The following CAST variants were observed in gnomAD, a reference collection of about 807,000 sequenced individuals.
CAST encodes MIR583 host.
Under a neutral mutation model 119.6 loss-of-function variants are expected in CAST, and 76 were observed. That is an observed-to-expected ratio of 0.64 (90% CI 0.53 to 0.77). The LOEUF is 0.77. CAST is among the 30% of genes least tolerant of loss of function. The probability of loss-of-function intolerance (pLI) is 0.00; values close to 1 mark genes in which losing one functional copy is unlikely to be tolerated. For synonymous variants in CAST, 319 were observed against 331.6 expected (o/e 0.96, Z 0.41); for missense variants, 953 against 946.5 (o/e 1.01, Z -0.09).
At position 96,681,031 on chromosome 5, in the gene CAST, G is replaced by A. The variant is rs2150263498; in HGVS notation, c.138+5430G>A. ...GGCTCGCACTGGGTGCGACTTGGGA[G>A]CTGAGTCTGACTTGGGAGGCTAAAG... is the stretch of plus-strand genomic sequence containing the variant. On this transcript the variant is annotated intron_variant, in intron 2 of 31. Coordinates refer to ENST00000675179, the MANE Select transcript of CAST (RefSeq NM_001750.7). 2.0e-5 allele frequency among the ~76,000 whole-genome samples: 3 copies of A among 152,390 alleles called. No individual in the cohort carries two copies. The East Asian group carries it at 5.8e-4, about 29-fold the overall frequency.
At chr5:96,615,398 T>C (rs1226373605) in intron 1 of CAST, among the ~76,000 whole-genome samples, 1 of 152,246 alleles carries the variant, frequency 6.6e-6, no homozygotes, top group Non-Finnish European at 1.5e-5. Flanking sequence ...TAACCATCTC[T>C]CCCATTGACT....
the CAST span, among the ~76,000 whole-genome samples, chr5:95,974,663 A>G: frequency 6.6e-6 from 1 of 152,166 alleles, no homozygotes. Flanking sequence ...TCTTGAGGGG[A>G]TGGCCTTTCT....
chr5:96,365,341 C>T, the CAST span, among the ~76,000 whole-genome samples: 806 of 152,160 alleles, frequency 5.3e-3, 9 homozygotes, highest in African/African-American at 0.018. Context: ...CTATTAGGTC[C>T]GCTTGGTGCA....
chr5:96,061,923 T>C, the CAST span, among the ~76,000 whole-genome samples: 1 of 152,284 alleles, frequency 6.6e-6, no homozygotes, highest in South Asian at 2.1e-4. Flanking sequence ...ACAGAATGAC[T>C]TAGCTGACAT....
At chr5:96,222,596 A>G in the CAST span, among the ~76,000 whole-genome samples, 1 of 152,168 alleles carries the variant, frequency 6.6e-6, no homozygotes, top group Non-Finnish European at 1.5e-5. Flanking sequence ...ACTATTATTA[A>G]AATGATAAAA....
At chr5:96,580,728 A>G (rs1746756646) in intron 1 of CAST, among the ~76,000 whole-genome samples, 2 of 152,242 alleles carry the variant, frequency 1.3e-5, no homozygotes, top group Admixed American at 1.3e-4. Flanking sequence ...ATCACATCTT[A>G]AGAGAATCAC....
chr5:96,211,980 C>T, the CAST span, among the ~76,000 whole-genome samples: 1 of 151,994 alleles, frequency 6.6e-6, no homozygotes, highest in Admixed American at 6.6e-5. Context: ...ATGATATTCC[C>T]TGTTGTATTA....
intron 1 of CAST, among the ~76,000 whole-genome samples, chr5:96,617,282 TCCC>T (rs921201160): frequency 6.6e-6 from 1 of 151,576 alleles, no homozygotes; most frequent in Non-Finnish European, 1.5e-5. Flanking sequence ...GGTTCATTTA[TCCC>T]CCCAAGTCCT....
chr5:96,638,215 G>C (rs1156524266), intron 1 of CAST, among the ~76,000 whole-genome samples: 1 of 151,860 alleles, frequency 6.6e-6, no homozygotes, highest in Non-Finnish European at 1.5e-5. Flanking sequence ...AGGTCAGCCT[G>C]GCCAACATTG....
chr5:96,046,230 A>G, the CAST span, among the ~76,000 whole-genome samples: 2 of 152,158 alleles, frequency 1.3e-5, no homozygotes, highest in South Asian at 4.1e-4. Flanking sequence ...ATAAGGATAT[A>G]CACACATCCA....
At chr5:96,383,729 C>T in the CAST span, among the ~76,000 whole-genome samples, 1 of 152,092 alleles carries the variant, frequency 6.6e-6, no homozygotes. Flanking sequence ...TTCAGGTGTG[C>T]ATTTTGGTTT....
chr5:96,368,145 CCCTTT>C, the CAST span, among the ~76,000 whole-genome samples: 3 of 151,908 alleles, frequency 2.0e-5, no homozygotes, highest in East Asian at 1.9e-4. Context: ...TCCTTCCCTT[CCCTTT>C]CCTTTCTGCT....
chr5:96,520,332 T>A (rs923152744), upstream of CAST, among the ~76,000 whole-genome samples: 1 of 152,254 alleles, frequency 6.6e-6, no homozygotes, highest in Non-Finnish European at 1.5e-5. Flanking sequence ...GAATGTGCTC[T>A]GTCTGCTGTC....
chr5:96,391,180 T>C, the CAST span: 2 of 152,230 alleles, frequency 1.3e-5, no homozygotes, highest in Non-Finnish European at 2.9e-5. Context: ...TAGGAGAACA[T>C]TCTCTAAGCA....
chr5:96,206,623 G>C, the CAST span, among the ~76,000 whole-genome samples: 1 of 152,078 alleles, frequency 6.6e-6, no homozygotes, highest in African/African-American at 2.4e-5. Context: ...TAGGTGTGCG[G>C]CTTTATTCCT....
At chr5:96,349,231 A>G in the CAST span, among the ~76,000 whole-genome samples, 1 of 150,202 alleles carries the variant, frequency 6.7e-6, no homozygotes, top group Admixed American at 6.7e-5. Context: ...GAACTAAAAT[A>G]AATCTCAGCT....
At chr5:96,519,579 A>T in the CAST span, among the ~76,000 whole-genome samples, 1 of 152,212 alleles carries the variant, frequency 6.6e-6, no homozygotes, top group South Asian at 2.1e-4. Flanking sequence ...TCATGGCATG[A>T]TTTTTAATAT....
intron 1 of CAST, among the ~76,000 whole-genome samples, chr5:96,550,989 C>T (rs1746115867): frequency 6.6e-6 from 1 of 152,204 alleles, no homozygotes; most frequent in African/African-American, 2.4e-5. Context: ...TTAGAAAACA[C>T]TCTTCAGGAT....
intron 4 of CAST, among the ~76,000 whole-genome samples, chr5:96,725,578 A>G (rs924098987): frequency 2.0e-5 from 3 of 152,252 alleles, no homozygotes; most frequent in African/African-American, 7.2e-5. Flanking sequence ...ATTAATACAC[A>G]TTAGTTATTA....
Sources: gnomAD v4.1 joint callset for allele counts (sites outside exome capture counted in the v4.1 genomes callset) on GRCh38, gnomAD v4.1.1 for gene constraint, MANE v1.5 for transcripts, NCBI Gene and HGNC (gene_info 2026-07-23, HGNC 2026-07-21) for gene names.